STYX: variants seen among roughly 807,000 people sequenced by gnomAD.
The protein encoded by STYX is serine/threonine/tyrosine interacting protein.
A neutral mutation model predicts 42.7 loss-of-function variants in STYX; 20 were observed. That is an observed-to-expected ratio of 0.47 (90% CI 0.33 to 0.68). The LOEUF is 0.68. Ranked by LOEUF, STYX falls within the 30% of genes least tolerant of loss-of-function variation. STYX has a pLI of 0.02. For missense variants in STYX, 226 were observed against 268.5 expected (o/e 0.84, Z 1.11); for synonymous variants, 78 against 81.9 (o/e 0.95, Z 0.26).
At chr14:52,757,240 G>A in intron 5 of STYX, 79 bp from the exon 6 acceptor site, 1 of 1,150,276 alleles carries the variant, frequency 8.7e-7, no homozygotes, top group South Asian at 1.6e-5. Context: ...TTAGGAAATT[G>A]TTTTCAATAG....
intron 4 of STYX, among the ~76,000 whole-genome samples, chr14:52,755,193 GC>G (rs1881812859): frequency 1.3e-5 from 2 of 150,908 alleles, no homozygotes; most frequent in Admixed American, 1.3e-4. Context: ...CACAATTTTG[GC>G]CCACTGCAAC....
At chr14:52,738,785 A>G (rs1881064227) in intron 1 of STYX, among the ~76,000 whole-genome samples, 1 of 152,224 alleles carries the variant, frequency 6.6e-6, no homozygotes, top group Non-Finnish European at 1.5e-5. Flanking sequence ...TTGATCAACC[A>G]GGGAAGATTG....
chr14:52,745,814 AG>A (rs2139895630), intron 2 of STYX, among the ~76,000 whole-genome samples: 1 of 152,328 alleles, frequency 6.6e-6, no homozygotes, highest in East Asian at 1.9e-4. Flanking sequence ...TTGAAAAAAT[AG>A]GTGAGTACCT....
At chr14:52,753,723 TGTA>T (rs1881726983) in intron 4 of STYX, among the ~76,000 whole-genome samples, 1 of 152,058 alleles carries the variant, frequency 6.6e-6, no homozygotes, top group Non-Finnish European at 1.5e-5. Flanking sequence ...TTTTTAGTGT[TGTA>T]TTTTACCTTA....
At chr14:52,748,486 TA>T (rs1397188799) in intron 3 of STYX, among the ~76,000 whole-genome samples, 4 of 152,200 alleles carry the variant, frequency 2.6e-5, no homozygotes, top group African/African-American at 9.6e-5. Flanking sequence ...ACAGTTTAAA[TA>T]AAAGGGACAA....
chr14:52,732,731 C>G (rs1228249883), intron 1 of STYX, among the ~76,000 whole-genome samples: 1 of 151,814 alleles, frequency 6.6e-6, no homozygotes, highest in Non-Finnish European at 1.5e-5. Flanking sequence ...AATGCAGTGG[C>G]GTGATCTCCG....
intron 4 of STYX, among the ~76,000 whole-genome samples, chr14:52,753,430 C>A (rs1881712441): frequency 6.6e-6 from 1 of 152,032 alleles, no homozygotes; most frequent in Non-Finnish European, 1.5e-5. Flanking sequence ...CGTGATCTGC[C>A]CACCTCGGCC....
At chr14:52,735,474 C>T (rs1044740811) in intron 1 of STYX, among the ~76,000 whole-genome samples, 7 of 152,138 alleles carry the variant, frequency 4.6e-5, no homozygotes, top group African/African-American at 1.7e-4. Context: ...ACCATAGGAA[C>T]ATTTCCACAG....
chr14:52,764,552 A>G (rs1882225545), intron 9 of STYX, among the ~76,000 whole-genome samples: 1 of 150,152 alleles, frequency 6.7e-6, no homozygotes, highest in Non-Finnish European at 1.5e-5. Flanking sequence ...ATTATTTCAT[A>G]TTATGCTTTC....
intron 1 of STYX, among the ~76,000 whole-genome samples, chr14:52,742,011 T>C (rs1881214016): frequency 6.6e-6 from 1 of 152,178 alleles, no homozygotes; most frequent in Non-Finnish European, 1.5e-5. Flanking sequence ...AGGTTTAAGG[T>C]GTGTTTTTCT....
chr14:52,745,769 A>T (rs1285017054), intron 2 of STYX, among the ~76,000 whole-genome samples: 1 of 152,148 alleles, frequency 6.6e-6, no homozygotes, highest in Admixed American at 6.5e-5. Flanking sequence ...GACTTCTAAA[A>T]ATCTGTTACT....
intron 1 of STYX, among the ~76,000 whole-genome samples, chr14:52,734,852 G>A (rs1417559381): frequency 1.3e-5 from 2 of 152,126 alleles, no homozygotes; most frequent in Non-Finnish European, 2.9e-5. Flanking sequence ...ACGAGGTCAG[G>A]AGATCAAGAC....
intron 9 of STYX, among the ~76,000 whole-genome samples, chr14:52,767,181 C>T (rs1882335458): frequency 6.6e-6 from 1 of 152,130 alleles, no homozygotes; most frequent in Admixed American, 6.6e-5. Context: ...TGGGGAAAAG[C>T]ATTTGAGGTA....
intron 6 of STYX, 92 bp downstream of exon 6, chr14:52,757,447 A>G: frequency 8.4e-7 from 1 of 1,193,644 alleles, no homozygotes; most frequent in Non-Finnish European, 1.2e-6. Context: ...AGGATATGGA[A>G]GTTACAATTA....
In STYX at chr14:52,772,865, C is replaced by A. The variant is rs1271246460; in HGVS notation, c.*1759C>A. On this transcript the variant is annotated 3_prime_UTR_variant, in exon 11 of 11. Transcript: ENST00000354586. ...AGCATATTGTTAATCTCGTTGTCGT[C>A]CAGTATTCTGCTTTGTGATTAGGTC... The A allele has an allele frequency of 6.6e-6, 1 of 151,616 alleles. No individual in the cohort carries two copies. The highest frequency in any genetic ancestry group is 2.4e-5 in the African/African-American group (1 of 41,230). 9.4% of individuals were successfully genotyped at this position (151,616 alleles called of 1,614,324 possible).
intron 1 of STYX, among the ~76,000 whole-genome samples, chr14:52,744,618 A>G (rs1388991890): frequency 6.6e-6 from 1 of 151,902 alleles, no homozygotes; most frequent in African/African-American, 2.4e-5. Context: ...CATCCATTTT[A>G]TGAAGTAACA....
intron 1 of STYX, among the ~76,000 whole-genome samples, chr14:52,732,507 T>C (rs1028449243): frequency 4.7e-4 from 72 of 151,738 alleles, no homozygotes; most frequent in Non-Finnish European, 8.8e-4. Flanking sequence ...ACTCCTGACC[T>C]TGTGATCCGC....
chr14:52,730,556 G>T lies in STYX; in HGVS notation c.57+25G>T, dbSNP rs781773677. ...GGTGAGTCGCTCCCGTGGCTGCCAC[G>T]CACAGGCCTCTCCCTGTGGCTCCGG... On this transcript the variant is annotated intron_variant, in intron 1 of 10. Transcript: ENST00000354586. 1.6e-5 allele frequency: 25 copies of T among 1,610,520 alleles called. No homozygotes were observed. In the African/African-American group the frequency reaches 2.7e-4, roughly 17 times the overall value.
At chr14:52,767,402 T>C (rs907674650) in intron 9 of STYX, among the ~76,000 whole-genome samples, 5 of 152,246 alleles carry the variant, frequency 3.3e-5, no homozygotes, top group Non-Finnish European at 5.9e-5. Flanking sequence ...AATTTGTTCA[T>C]AGTTTTCATC....
Sources: gnomAD v4.1 joint callset for allele counts (sites outside exome capture counted in the v4.1 genomes callset) on GRCh38, gnomAD v4.1.1 for gene constraint, MANE v1.5 for transcripts, NCBI Gene and HGNC (gene_info 2026-07-23, HGNC 2026-07-21) for gene names.